Variants in VSTM5 observed in about 807,000 individuals in gnomAD.
VSTM5 encodes V-set and transmembrane domain-containing protein 5.
VSTM5 carries 21 observed loss-of-function variants against 20.3 expected under a neutral mutation model. That is an observed-to-expected ratio of 1.03 (90% CI 0.73 to 1.49). VSTM5 has a LOEUF of 1.49. Among genes scored for constraint, VSTM5 ranks in the 40% most tolerant of loss-of-function variants. The pLI, the probability that VSTM5 is intolerant of heterozygous loss-of-function variation, is 0.00. For synonymous variants in VSTM5, 100 were observed against 102.5 expected, an observed-to-expected ratio of 0.98 and a Z score of 0.14; for missense variants, 219 against 250.0, an observed-to-expected ratio of 0.88 and a Z score of 0.84.
chr11:93,827,569 C>T (rs1944249361), intron 1 of VSTM5: 1 of 152,096 alleles, frequency 6.6e-6, no homozygotes, highest in African/African-American at 2.4e-5. Flanking sequence ...GGCTCAAGTG[C>T]TCTATTCAAG....
At chr11:93,844,691 T>A (rs1214592847) in intron 1 of VSTM5, among the ~76,000 whole-genome samples, 1 of 152,192 alleles carries the variant, frequency 6.6e-6, no homozygotes, top group East Asian at 1.9e-4. Flanking sequence ...CTTACCTGAC[T>A]ACCTCCTACG....
At position 93,819,428 on chromosome 11, in the gene VSTM5, C is replaced by G. The variant is rs1944160790; in HGVS notation, c.*1141G>C. Reference sequence around the variant, plus strand: ...AGCTGTGGTCCAGTCCCCAATCTCACCTGGAGCCCCAAGACCTCAGAGGAT... The same window carrying G: ...AGCTGTGGTCCAGTCCCCAATCTCAGCTGGAGCCCCAAGACCTCAGAGGAT... On this transcript the variant is annotated 3_prime_UTR_variant, in exon 4 of 4. Transcript: ENST00000409977. 6.6e-6 allele frequency: 1 copy of G among 152,274 alleles called. No individual in the cohort carries two copies. The highest frequency in any genetic ancestry group is 6.5e-5 in the Admixed American group (1 of 15,280). The allele number at this position is 152,274 out of a possible 1,614,324, so 9.4% of individuals were successfully genotyped here.
At chr11:93,822,416 T>C (rs1011625637) in intron 1 of VSTM5, among the ~76,000 whole-genome samples, 3 of 151,608 alleles carry the variant, frequency 2.0e-5, no homozygotes, top group Non-Finnish European at 1.5e-5. Context: ...CACACCAACA[T>C]GCCCACATAA....
chr11:93,840,156 C>A lies in VSTM5; in HGVS notation c.91+10256G>T, dbSNP rs75114851. On this transcript the variant is annotated intron_variant, in intron 1 of 3. Coordinates refer to ENST00000409977, the MANE Select transcript of VSTM5 (RefSeq NM_001144871.2). ...AGACAATGAATTTCTGTTGTATAAG[C>A]CACCCTAGCAAATGCCCTTCTGTGG... 3.3e-5 allele frequency among the ~76,000 whole-genome samples: 5 copies of A among 152,326 alleles called. No homozygotes were observed. In the East Asian group the frequency reaches 9.6e-4, roughly 29 times the overall value.
chr11:93,822,767 G>T (rs575653942), intron 1 of VSTM5, among the ~76,000 whole-genome samples: 5 of 152,266 alleles, frequency 3.3e-5, no homozygotes, highest in East Asian at 3.9e-4. Context: ...GGGATTACAG[G>T]CATGAGCCAC....
chr11:93,824,160 G>A (rs76893239), intron 1 of VSTM5, among the ~76,000 whole-genome samples: 1 of 151,926 alleles, frequency 6.6e-6, no homozygotes, highest in African/African-American at 2.4e-5. Context: ...CACCCACCTC[G>A]GTCTCCCAAA....
chr11:93,844,178 T>C (rs140558630), intron 1 of VSTM5, among the ~76,000 whole-genome samples: 58 of 152,324 alleles, frequency 3.8e-4, no homozygotes, highest in Middle Eastern at 3.4e-3. Flanking sequence ...GGGAGAAAGT[T>C]CTGGTTCAAG....
At chr11:93,843,326 T>A (rs1944386094) in intron 1 of VSTM5, among the ~76,000 whole-genome samples, 1 of 152,084 alleles carries the variant, frequency 6.6e-6, no homozygotes. Context: ...CTGTTGTAAT[T>A]CCTCTTGATG....
At chr11:93,830,106 A>G (rs602703) in intron 1 of VSTM5, among the ~76,000 whole-genome samples, 119,311 of 152,018 alleles carry the variant, frequency 0.78, 48,319 homozygotes, top group Admixed American at 0.89. Context: ...ATTAAGAAGT[A>G]CAGGGTGGCC....
intron 1 of VSTM5, among the ~76,000 whole-genome samples, chr11:93,843,725 ATTATCAG>A (rs1242088620): frequency 6.6e-6 from 1 of 152,168 alleles, no homozygotes; most frequent in Non-Finnish European, 1.5e-5. Flanking sequence ...GCTGGAGGCT[ATTATCAG>A]TGATCTTTCT....
rs1326966156 is a variant in VSTM5, at chr11:93,821,262, G to A, written c.153C>T (p.Ile51=). The A allele has an allele frequency of 1.3e-6, 2 of 1,551,840 alleles. No individual in the cohort carries two copies. The highest frequency in any genetic ancestry group is 3.9e-5 in the Admixed American group (2 of 51,006). ...GACAGGAGTACTCAACTGAGAGCAG[G>A]ATGTCTTCTTTGACAGTGGCATTGA... The part of the protein sequence containing the change: ...ATINATVKED[I]LLSVEYSCHG... The change falls in exon 2 of 4, where the codon ATC becomes ATT. Residue 51 remains isoleucine, a synonymous_variant. Transcript: ENST00000409977.
chr11:93,821,589 T>C, intron 1 of VSTM5: 1 of 463,836 alleles, frequency 2.2e-6, no homozygotes, highest in Non-Finnish European at 3.9e-6. Context: ...ATCTGACACC[T>C]TTGTAGCAAG....
Position 93,820,843 on chromosome 11 carries a change from A to C in VSTM5, c.459T>G (p.Leu153=). 1 of 1,550,828 alleles carries C rather than the reference A, an allele frequency of 6.4e-7. No homozygotes were observed. The highest frequency in any genetic ancestry group is 1.2e-5 in the South Asian group (1 of 84,068). Residue 153 remains leucine (L), a synonymous_variant, in exon 3 of 4, where the codon CTT becomes CTG. Coordinates refer to ENST00000409977, the MANE Select transcript of VSTM5 (RefSeq NM_001144871.2). ...CTGCGGCCACAGCAGCGAGAAAAGC[A>C]AGGATGACAGCGACAAAGTGCAGGT... is the stretch of plus-strand genomic sequence containing the variant. ...YEDLHFVAVI[L]AFLAAVAAVL... is the part of the protein sequence containing the mutation.
Position 93,821,339 on chromosome 11 carries a change from C to T in VSTM5, c.92-16G>A, listed in dbSNP as rs763015512. 1.1e-4 allele frequency: 177 copies of T among 1,544,568 alleles called. No individual in the cohort carries two copies. Among genetic ancestry groups the T allele is most frequent in the Non-Finnish European group, 1.5e-4 (166 of 1,141,954 alleles). On this transcript the variant is annotated splice_polypyrimidine_tract_variant and intron_variant, in intron 1 of 3. Transcript: ENST00000409977. ...ACACCCTGACCTGCAGGATGATATGCTGGATGTTGGGCACATATATATGGC... is the reference window on the plus strand; with the variant it reads ...ACACCCTGACCTGCAGGATGATATGTTGGATGTTGGGCACATATATATGGC...
intron 1 of VSTM5, among the ~76,000 whole-genome samples, chr11:93,849,710 A>C (rs1241001606): frequency 6.6e-6 from 1 of 152,212 alleles, no homozygotes; most frequent in Non-Finnish European, 1.5e-5. Flanking sequence ...GAGAAAGTAA[A>C]ACTGTGCTAA....
Position 93,819,503 on chromosome 11 carries a change from G to A in VSTM5, c.*1066C>T, listed in dbSNP as rs1198106380. On this transcript the variant is annotated 3_prime_UTR_variant, in exon 4 of 4. Coordinates refer to ENST00000409977, the MANE Select transcript of VSTM5 (RefSeq NM_001144871.2). ...TAGCGTTTTCCAGTATAGCTTTCCA[G>A]ATCCTTGAAGAAGCCTCATGCATTT... 6.6e-6 allele frequency: 1 copy of A among 152,270 alleles called. No homozygotes were observed. The highest frequency in any genetic ancestry group is 1.5e-5 in the Non-Finnish European group (1 of 68,070). 9.4% of individuals were successfully genotyped at this position (152,270 alleles called of 1,614,324 possible).
intron 1 of VSTM5, among the ~76,000 whole-genome samples, chr11:93,849,424 T>G (rs1944440216): frequency 6.6e-6 from 1 of 152,222 alleles, no homozygotes; most frequent in African/African-American, 2.4e-5. Context: ...CCCAAAATGC[T>G]GGGAATACAG....
chr11:93,837,460 C>T (rs1289464828), intron 1 of VSTM5, among the ~76,000 whole-genome samples: 1 of 152,014 alleles, frequency 6.6e-6, no homozygotes, highest in Non-Finnish European at 1.5e-5. Context: ...CAAATGGGGC[C>T]ACATAGGAAA....
intron 1 of VSTM5, among the ~76,000 whole-genome samples, chr11:93,826,380 T>A (rs1308481996): frequency 6.6e-6 from 1 of 152,158 alleles, no homozygotes; most frequent in Non-Finnish European, 1.5e-5. Flanking sequence ...AGTGTAAAGT[T>A]AGGTTGATTA....
Sources: gnomAD v4.1 joint callset for allele counts (sites outside exome capture counted in the v4.1 genomes callset) on GRCh38, gnomAD v4.1.1 for gene constraint, MANE v1.5 for transcripts, NCBI Gene and HGNC (gene_info 2026-07-23, HGNC 2026-07-21) for gene names.